Variants in ZNF721 observed in about 807,000 individuals in gnomAD.
The protein encoded by ZNF721 is zinc finger protein 721.
Under a neutral mutation model 2.4 loss-of-function variants are expected in ZNF721, and 2 were observed. That is an observed-to-expected ratio of 0.82 (90% CI 0.34 to 2.58). ZNF721 has a LOEUF of 2.58. Among genes scored for constraint, ZNF721 ranks in the 30% most tolerant of loss-of-function variants. The pLI is 0.11. For missense variants in ZNF721, 1,187 were observed against 1,085.5 expected (o/e 1.09, Z -1.31); for synonymous variants, 398 against 381.8 (o/e 1.04, Z -0.50).
intron 2 of ZNF721, among the ~76,000 whole-genome samples, chr4:468,578 A>C (rs1715331899): frequency 6.6e-6 from 1 of 152,250 alleles, no homozygotes; most frequent in East Asian, 1.9e-4. Context: ...AGGAAATCTA[A>C]TCTTTCCAGG....
At chr4:474,695 T>C (rs1349459372) in intron 1 of ZNF721, among the ~76,000 whole-genome samples, 15 of 151,430 alleles carry the variant, frequency 9.9e-5, no homozygotes, top group Admixed American at 9.9e-4. Flanking sequence ...GCCAAGATGG[T>C]GAAACCCCGT....
chr4:472,216 A>G (rs573130908), intron 2 of ZNF721, among the ~76,000 whole-genome samples: 35 of 152,270 alleles, frequency 2.3e-4, no homozygotes, highest in African/African-American at 7.9e-4. Context: ...ACCTGCCACC[A>G]TGCCCAGCTA....
At chr4:486,003 T>G (rs782373786) in intron 1 of ZNF721, among the ~76,000 whole-genome samples, 3 of 151,856 alleles carry the variant, frequency 2.0e-5, no homozygotes, top group African/African-American at 7.3e-5. Flanking sequence ...AATAAATAGA[T>G]AGATTCTGGC....
intron 2 of ZNF721, among the ~76,000 whole-genome samples, chr4:459,031 C>T (rs1714935700): frequency 1.3e-5 from 2 of 152,082 alleles, no homozygotes; most frequent in Non-Finnish European, 2.9e-5. Context: ...ATTTTCAACC[C>T]AGAATTTCAT....
chr4:446,368 A>C (rs931289301), intron 2 of ZNF721, among the ~76,000 whole-genome samples: 1 of 151,160 alleles, frequency 6.6e-6, no homozygotes, highest in Non-Finnish European at 1.5e-5. Context: ...GACAGATGTA[A>C]TGAGGAAGTT....
At position 492,028 on chromosome 4, in the gene ZNF721, C is replaced by G. The variant is rs1179223284; in HGVS notation, c.-94+7028G>C. ...ATACAAAAAATTAGTCGGGCGTGGC[C>G]GGCGGGCGCCTGTAGTCCCAGCTAC... is the stretch of plus-strand genomic sequence containing the variant. On this transcript the variant is annotated intron_variant, in intron 1 of 2. Transcript: ENST00000511833. Among the ~76,000 whole-genome samples, 3 of 151,136 alleles carry G rather than the reference C, an allele frequency of 2.0e-5. No individual in the cohort carries two copies. The East Asian group carries it at 5.8e-4, about 29-fold the overall frequency.
At chr4:451,667 C>A (rs113913509) in intron 2 of ZNF721, among the ~76,000 whole-genome samples, 1 of 152,170 alleles carries the variant, frequency 6.6e-6, no homozygotes, top group Non-Finnish European at 1.5e-5. Context: ...TTGCTATTTA[C>A]GTGAAATAAA....
intron 1 of ZNF721, among the ~76,000 whole-genome samples, chr4:476,229 T>C (rs950035698): frequency 2.0e-4 from 31 of 152,230 alleles, no homozygotes; most frequent in African/African-American, 7.5e-4. Context: ...TTGATACTAC[T>C]AGACACATGG....
intron 2 of ZNF721, among the ~76,000 whole-genome samples, chr4:445,353 A>C (rs1714438318): frequency 6.6e-6 from 1 of 152,136 alleles, no homozygotes; most frequent in Admixed American, 6.5e-5. Flanking sequence ...AATTCCAGAC[A>C]AGAGACATCC....
At chr4:483,260 T>C (rs1553869786) in intron 1 of ZNF721, among the ~76,000 whole-genome samples, 1 of 152,146 alleles carries the variant, frequency 6.6e-6, no homozygotes, top group Non-Finnish European at 1.5e-5. Context: ...ATCTATAACA[T>C]TGCCTCTTGG....
At chr4:469,008 T>C (rs1172170411) in intron 2 of ZNF721, among the ~76,000 whole-genome samples, 16 of 152,188 alleles carry the variant, frequency 1.1e-4, no homozygotes, top group African/African-American at 3.9e-4. Context: ...TGCATATATA[T>C]GAAACCCTAG....
At chr4:486,353 T>C (rs1576972476) in intron 1 of ZNF721, among the ~76,000 whole-genome samples, 2 of 152,006 alleles carry the variant, frequency 1.3e-5, no homozygotes, top group Non-Finnish European at 2.9e-5. Context: ...AGAGACAGGG[T>C]TTCACCATGT....
At chr4:491,198 C>A (rs781970162) in intron 1 of ZNF721, among the ~76,000 whole-genome samples, 6 of 152,116 alleles carry the variant, frequency 3.9e-5, no homozygotes, top group African/African-American at 1.4e-4. Context: ...GAGGCCAAGG[C>A]GGGTAGATCA....
chr4:478,119 T>G (rs1382099034), intron 1 of ZNF721, among the ~76,000 whole-genome samples: 4 of 152,226 alleles, frequency 2.6e-5, no homozygotes, highest in South Asian at 4.1e-4. Flanking sequence ...CGACTCCTCT[T>G]GTAGTGTACT....
chr4:443,783 T>C lies in ZNF721; in HGVS notation c.684A>G (p.Lys228=), dbSNP rs1553863741. Residue 228 remains lysine, a synonymous_variant, in exon 3 of 3, where the codon AAA becomes AAG. Transcript: ENST00000511833. ...DKPYKCKECG[K]AFMHSSHLNK... is the part of the protein sequence containing the mutation. ...TCAGGTGTGAGGAATGCATAAAGGCTTTCCCACATTCTTTACATTTGTAGG... is the reference window on the plus strand; with the variant it reads ...TCAGGTGTGAGGAATGCATAAAGGCCTTCCCACATTCTTTACATTTGTAGG... The C allele has an allele frequency of 5.6e-6, 9 of 1,613,922 alleles. No homozygotes were observed. In the African/African-American group the frequency reaches 6.7e-5, roughly 12 times the overall value.
At chr4:488,488 G>A (rs1455862723) in intron 1 of ZNF721, among the ~76,000 whole-genome samples, 1 of 152,154 alleles carries the variant, frequency 6.6e-6, no homozygotes, top group African/African-American at 2.4e-5. Context: ...AAGACATGGT[G>A]GTCTCTCTTC....
chr4:462,088 C>G (rs1553866167), intron 2 of ZNF721, among the ~76,000 whole-genome samples: 1 of 152,100 alleles, frequency 6.6e-6, no homozygotes, highest in Non-Finnish European at 1.5e-5. Flanking sequence ...TTGTAAAAAT[C>G]ACAACATTCC....
At chr4:452,732 C>T (rs1305209018) in intron 2 of ZNF721, among the ~76,000 whole-genome samples, 2 of 152,180 alleles carry the variant, frequency 1.3e-5, no homozygotes, top group Non-Finnish European at 2.9e-5. Flanking sequence ...GCTTATACCC[C>T]TTCCAAGAAG....
intron 1 of ZNF721, among the ~76,000 whole-genome samples, chr4:484,446 G>T (rs76391038): frequency 6.6e-6 from 1 of 152,202 alleles, no homozygotes; most frequent in African/African-American, 2.4e-5. Context: ...CCGGTGAGCC[G>T]GGCGGAACAC....
Sources: allele counts gnomAD v4.1 joint callset (sites outside exome capture counted in the v4.1 genomes callset), GRCh38; gene constraint gnomAD v4.1.1; transcripts MANE v1.5; gene names NCBI Gene and HGNC (gene_info 2026-07-23, HGNC 2026-07-21).